Variants in HS3ST4 observed in about 807,000 individuals in gnomAD.
The protein encoded by HS3ST4 is heparan sulfate-glucosamine 3-sulfotransferase 4.
Under a neutral mutation model 29.2 loss-of-function variants are expected in HS3ST4, and 17 were observed. The ratio of observed to expected loss-of-function variants is 0.58; its 90% CI spans 0.40 to 0.87. The LOEUF is 0.87. Ranked by LOEUF, HS3ST4 falls within the 40% of genes least tolerant of loss-of-function variation. HS3ST4 has a pLI of 0.00. For missense variants in HS3ST4, 627 were observed against 634.5 expected (o/e 0.99, Z 0.13); for synonymous variants, 314 against 285.7 (o/e 1.10, Z -1.00).
intron 1 of HS3ST4, among the ~76,000 whole-genome samples, chr16:25,935,721 A>G (rs963997876): frequency 1.4e-4 from 21 of 152,212 alleles, no homozygotes; most frequent in Non-Finnish European, 2.9e-4. Context: ...TTCACCTGCT[A>G]AATGACACCT....
intron 1 of HS3ST4, among the ~76,000 whole-genome samples, chr16:25,834,549 C>CT (rs1477782532): frequency 6.6e-6 from 1 of 152,176 alleles, no homozygotes. Flanking sequence ...GCACAAGTAT[C>CT]TATGTAATGT....
intron 1 of HS3ST4, among the ~76,000 whole-genome samples, chr16:25,892,199 T>C (rs1968016269): frequency 6.6e-6 from 1 of 152,152 alleles, no homozygotes; most frequent in Non-Finnish European, 1.5e-5. Flanking sequence ...GATGAGTTGC[T>C]TCTCTTTGGG....
intron 1 of HS3ST4, among the ~76,000 whole-genome samples, chr16:26,099,697 G>A (rs1898969509): frequency 6.6e-6 from 1 of 152,122 alleles, no homozygotes; most frequent in African/African-American, 2.4e-5. Context: ...CAGGTACTAG[G>A]AATAGAGCAG....
At chr16:26,115,886 G>A (rs911380067) in intron 1 of HS3ST4, among the ~76,000 whole-genome samples, 1 of 152,182 alleles carries the variant, frequency 6.6e-6, no homozygotes. Flanking sequence ...TCCGATTCCA[G>A]CATCTAAGGC....
At chr16:25,752,293 A>G (rs1966726995) in intron 1 of HS3ST4, among the ~76,000 whole-genome samples, 1 of 152,196 alleles carries the variant, frequency 6.6e-6, no homozygotes, top group South Asian at 2.1e-4. Context: ...ACTAGTATTA[A>G]TAACATGAAG....
chr16:26,083,808 CAT>C (rs1480843659), intron 1 of HS3ST4, among the ~76,000 whole-genome samples: 4 of 152,022 alleles, frequency 2.6e-5, no homozygotes, highest in African/African-American at 9.7e-5. Flanking sequence ...AAAAAACAGT[CAT>C]GTGATGATTG....
chr16:25,999,219 A>T (rs1969183661), intron 1 of HS3ST4, among the ~76,000 whole-genome samples: 1 of 152,144 alleles, frequency 6.6e-6, no homozygotes, highest in Non-Finnish European at 1.5e-5. Context: ...CTAATTCTAA[A>T]GGACACCATT....
chr16:25,708,317 A>G (rs1450101882), intron 1 of HS3ST4, among the ~76,000 whole-genome samples: 2 of 152,220 alleles, frequency 1.3e-5, no homozygotes, highest in African/African-American at 4.8e-5. Context: ...GAGGCTTTAT[A>G]AAATATTCAC....
chr16:25,920,608 CTT>C (rs765957650), intron 1 of HS3ST4, among the ~76,000 whole-genome samples: 5 of 133,880 alleles, frequency 3.7e-5, no homozygotes, highest in Admixed American at 1.5e-4. Context: ...CCCCACCCCT[CTT>C]TTTTTTTTTT....
chr16:26,017,944 T>C (rs1278153811), intron 1 of HS3ST4, among the ~76,000 whole-genome samples: 1 of 152,220 alleles, frequency 6.6e-6, no homozygotes, highest in African/African-American at 2.4e-5. Flanking sequence ...TGAATTTTCA[T>C]AATTCAGGTA....
chr16:25,881,959 A>G (rs758977209), intron 1 of HS3ST4, among the ~76,000 whole-genome samples: 9 of 152,198 alleles, frequency 5.9e-5, no homozygotes, highest in Non-Finnish European at 1.3e-4. Context: ...TCTTTTCTGA[A>G]TGAAGACAGT....
chr16:25,710,808 CTTTTT>C (rs34759495), intron 1 of HS3ST4, among the ~76,000 whole-genome samples: 4 of 48,548 alleles, frequency 8.2e-5, no homozygotes, highest in Non-Finnish European at 1.4e-4. Context: ...GCATATTATC[CTTTTT>C]TTTTTTTTTT....
At chr16:25,959,737 G>T (rs182093292) in intron 1 of HS3ST4, among the ~76,000 whole-genome samples, 2 of 152,294 alleles carry the variant, frequency 1.3e-5, no homozygotes, top group East Asian at 3.9e-4. Context: ...GATCCTCAAT[G>T]TTGGGGATGG....
chr16:25,709,679 C>T (rs571568165), intron 1 of HS3ST4, among the ~76,000 whole-genome samples: 8 of 151,578 alleles, frequency 5.3e-5, no homozygotes, highest in South Asian at 4.2e-4. Flanking sequence ...TTTCTTTAAC[C>T]GAGAGGGGAA....
At chr16:25,956,429 C>T (rs1387609447) in intron 1 of HS3ST4, among the ~76,000 whole-genome samples, 2 of 152,178 alleles carry the variant, frequency 1.3e-5, no homozygotes, top group African/African-American at 2.4e-5. Flanking sequence ...TTTACCACTT[C>T]TATTCAACCT....
Position 25,800,167 on chromosome 16 carries a change from T to C in HS3ST4, c.734+107016T>C, listed in dbSNP as rs567960606. 5.9e-5 allele frequency among the ~76,000 whole-genome samples: 9 copies of C among 152,182 alleles called. No homozygotes were observed. In the East Asian group the frequency reaches 9.6e-4, roughly 16 times the overall value. On this transcript the variant is annotated intron_variant, in intron 1 of 1. Coordinates refer to ENST00000331351, the MANE Select transcript of HS3ST4 (RefSeq NM_006040.3). ...CCTAGATCATTGACTCCATTGGTTT[T>C]ATTATTTTTCTTAATGCTGTTTATT...
intron 1 of HS3ST4, among the ~76,000 whole-genome samples, chr16:25,776,394 A>G (rs749490854): frequency 1.4e-4 from 21 of 152,188 alleles, no homozygotes; most frequent in Non-Finnish European, 2.5e-4. Flanking sequence ...CAGAAACTCA[A>G]AAGAATGCAA....
chr16:25,751,455 A>C (rs973725928), intron 1 of HS3ST4, among the ~76,000 whole-genome samples: 4 of 152,186 alleles, frequency 2.6e-5, no homozygotes, highest in Non-Finnish European at 5.9e-5. Flanking sequence ...ATGTTACACA[A>C]AGCAAGGAAT....
chr16:25,767,166 A>G (rs1966825818), intron 1 of HS3ST4, among the ~76,000 whole-genome samples: 1 of 151,978 alleles, frequency 6.6e-6, no homozygotes, highest in Non-Finnish European at 1.5e-5. Flanking sequence ...TGGTTGGGGG[A>G]ACTTTAGCTT....
Sources: gnomAD v4.1 joint callset for allele counts (sites outside exome capture counted in the v4.1 genomes callset) on GRCh38, gnomAD v4.1.1 for gene constraint, MANE v1.5 for transcripts, NCBI Gene and HGNC (gene_info 2026-07-23, HGNC 2026-07-21) for gene names.